STAB2: variants seen among roughly 807,000 people sequenced by gnomAD.
STAB2 encodes the protein stabilin 2.
In STAB2, 288 loss-of-function variants were observed where a neutral mutation model predicts 338.1. The observed-to-expected ratio is 0.85, with a 90% CI of 0.77 to 0.94. The LOEUF (loss-of-function observed/expected upper bound fraction) is 0.94. STAB2 is among the 40% of genes least tolerant of loss of function. STAB2 has a pLI of 0.00. For missense variants in STAB2, 3,141 were observed against 3,210.1 expected, an observed-to-expected ratio of 0.98 and a Z score of 0.52; for synonymous variants, 1,202 against 1,193.3, an observed-to-expected ratio of 1.01 and a Z score of -0.15.
In STAB2 at chr12:103,590,898, C is replaced by A; in HGVS notation, c.83C>A (p.Ala28Glu). Residue 28 changes from alanine (A) to glutamate (E), a missense_variant and splice_region_variant, in exon 2 of 69, where the codon GCA becomes GAA. Transcript: ENST00000388887. ...FCSPAETTGQ[A>E]RRCDRKSLLT... The stretch of plus-strand genomic sequence containing the variant: ...TTCTTTTTTTTAATATTTACACAGG[C>A]AAGAAGATGTGATAGGAAGTCTCTT... 6.2e-7 allele frequency: 1 copy of A among 1,614,008 alleles called. No individual in the cohort carries two copies. Among genetic ancestry groups the A allele is most frequent in the South Asian group, 1.1e-5 (1 of 91,064 alleles).
intron 60 of STAB2, among the ~76,000 whole-genome samples, chr12:103,751,416 G>A (rs934577260): frequency 6.6e-6 from 1 of 152,178 alleles, no homozygotes; most frequent in African/African-American, 2.4e-5. Context: ...AATGGACACA[G>A]AATAGAGAAA....
intron 64 of STAB2, among the ~76,000 whole-genome samples, chr12:103,758,891 C>T (rs533781128): frequency 2.4e-4 from 36 of 152,306 alleles, no homozygotes; most frequent in African/African-American, 8.2e-4. Flanking sequence ...CTCAAGACAC[C>T]GCTGGAAAGC....
At chr12:103,628,293 T>G (rs536744012) in intron 5 of STAB2, among the ~76,000 whole-genome samples, 45 of 152,354 alleles carry the variant, frequency 3.0e-4, no homozygotes, top group African/African-American at 1.0e-3. Flanking sequence ...AAGGATGTGG[T>G]AAATTAGATA....
chr12:103,624,486 A>C (rs2138643758), intron 5 of STAB2, among the ~76,000 whole-genome samples: 1 of 152,368 alleles, frequency 6.6e-6, no homozygotes. Flanking sequence ...TTCATCTGTA[A>C]AGATAGAAAT....
rs2138978078 is a variant in STAB2 at position 103,705,733 on chromosome 12, T to C, written c.3996+6T>C. On this transcript the variant is annotated splice_donor_region_variant and intron_variant, in intron 37 of 68. Coordinates refer to ENST00000388887, the MANE Select transcript of STAB2 (RefSeq NM_017564.10). ...AATGTGTGAGAACCGTCATTGTGAGTACAATAATTGAATCATACTAACTAC... is the reference window on the plus strand; with the variant it reads ...AATGTGTGAGAACCGTCATTGTGAGCACAATAATTGAATCATACTAACTAC... The C allele has an allele frequency of 6.2e-7, 1 of 1,613,476 alleles. No individual in the cohort carries two copies. Among genetic ancestry groups the C allele is most frequent in the Non-Finnish European group, 8.5e-7 (1 of 1,179,382 alleles).
chr12:103,734,685 C>T (rs112518687), intron 51 of STAB2, among the ~76,000 whole-genome samples: 3,699 of 152,274 alleles, frequency 0.024, 154 homozygotes, highest in African/African-American at 0.085. Flanking sequence ...ATTAGTTTCC[C>T]AGGGCTGCCA....
intron 58 of STAB2, among the ~76,000 whole-genome samples, chr12:103,748,654 ACACACT>A (rs1883300465): frequency 7.5e-6 from 1 of 133,160 alleles, no homozygotes; most frequent in Non-Finnish European, 1.6e-5. Context: ...ACACACACAC[ACACACT>A]GTCCTAACAT....
intron 9 of STAB2, among the ~76,000 whole-genome samples, chr12:103,643,770 A>G (rs1161426807): frequency 6.6e-6 from 1 of 151,892 alleles, no homozygotes; most frequent in Admixed American, 6.5e-5. Flanking sequence ...TTATAAGACT[A>G]TGTAGCATAA....
intron 39 of STAB2, among the ~76,000 whole-genome samples, chr12:103,709,144 G>A (rs1376261003): frequency 6.6e-6 from 1 of 152,084 alleles, no homozygotes; most frequent in Non-Finnish European, 1.5e-5. Context: ...CCTTCAATCC[G>A]ACCACATCAC....
chr12:103,676,474 T>C (rs970015848), intron 24 of STAB2, among the ~76,000 whole-genome samples: 1 of 152,224 alleles, frequency 6.6e-6, no homozygotes, highest in Non-Finnish European at 1.5e-5. Flanking sequence ...GAAGCATTTG[T>C]GTTTAAACCT....
chr12:103,749,102 AGAC>A lies in STAB2; in HGVS notation c.6386_6388del (p.Asp2129del), dbSNP rs745799193. 8 of 1,613,370 alleles carry A rather than the reference AGAC, an allele frequency of 5.0e-6. No individual in the cohort carries two copies. The South Asian group carries it at 8.8e-5, about 18-fold the overall frequency. On this transcript the variant is annotated inframe_deletion, in exon 59 of 69. Transcript: ENST00000388887. ...GCTGCACAGAGATAGACCCCTGTGC[AGAC>A]GGCCTTAACGGAGGGTGTCACGAGC...
At chr12:103,754,234 G>A (rs1883918877) in intron 61 of STAB2, among the ~76,000 whole-genome samples, 1 of 151,834 alleles carries the variant, frequency 6.6e-6, no homozygotes, top group Admixed American at 6.6e-5. Context: ...CTGGTCATGT[G>A]GCCTTGATAT....
intron 29 of STAB2, 48 bp from the exon 30 acceptor site, chr12:103,690,376 C>T (rs531841755): frequency 6.9e-7 from 1 of 1,455,906 alleles, no homozygotes; most frequent in East Asian, 2.3e-5. Flanking sequence ...AATGATACAG[C>T]CCCATACATT....
intron 3 of STAB2, among the ~76,000 whole-genome samples, chr12:103,613,115 G>A (rs1453888512): frequency 2.0e-5 from 3 of 152,196 alleles, no homozygotes; most frequent in African/African-American, 7.2e-5. Context: ...GTGCCTCCCA[G>A]TTAGGCTACT....
chr12:103,707,026 G>A (rs1293747795), intron 38 of STAB2, 39 bp downstream of exon 38: 1 of 1,603,820 alleles, frequency 6.2e-7, no homozygotes, highest in South Asian at 1.1e-5. Flanking sequence ...TTGGGCTGCT[G>A]AAACCAACCA....
chr12:103,737,602 T>TG, intron 52 of STAB2, 32 bp from the exon 53 acceptor site: 24 of 983,640 alleles, frequency 2.4e-5, no homozygotes, highest in East Asian at 3.6e-5. Flanking sequence ...CTCTCTCTCT[T>TG]TCTCTTTTTT....
chr12:103,641,995 A>T (rs970731535), intron 9 of STAB2, among the ~76,000 whole-genome samples: 1 of 152,234 alleles, frequency 6.6e-6, no homozygotes, highest in African/African-American at 2.4e-5. Flanking sequence ...CTTCAAAATC[A>T]GACTGCATTT....
chr12:103,755,684 T>G lies in STAB2; in HGVS notation c.6953T>G (p.Leu2318Arg). The change falls in exon 63 of 69, where the codon CTG becomes CGG. Residue 2318 changes from leucine to arginine, a missense_variant. By Grantham distance (102) the Leu-to-Arg change is moderately radical (BLOSUM62 -2). Coordinates refer to ENST00000388887, the MANE Select transcript of STAB2 (RefSeq NM_017564.10). ...TGCAGTGGGAACCTGCTGCAGGTCC[T>G]GATGTCCTTCCCCTCACTCACAAAC... ...FSCSGNLLQVLMSFPSLTNFL... is the reference protein window; with the variant it reads ...FSCSGNLLQVRMSFPSLTNFL... 6.2e-7 allele frequency: 1 copy of G among 1,614,214 alleles called. No individual in the cohort carries two copies. Among genetic ancestry groups the G allele is most frequent in the Non-Finnish European group, 8.5e-7 (1 of 1,180,038 alleles).
chr12:103,688,350 C>A, intron 28 of STAB2, 135 bp downstream of exon 28: 2 of 842,106 alleles, frequency 2.4e-6, no homozygotes, highest in South Asian at 1.5e-5. Context: ...TCAACGCTGG[C>A]TGCACTGTGG....
Sources: allele counts gnomAD v4.1 joint callset (sites outside exome capture counted in the v4.1 genomes callset), GRCh38; gene constraint gnomAD v4.1.1; transcripts MANE v1.5; gene names NCBI Gene and HGNC (gene_info 2026-07-23, HGNC 2026-07-21).